CNTNAP2: variants seen among roughly 807,000 people sequenced by gnomAD.
CNTNAP2 encodes contactin associated protein 2.
A neutral mutation model predicts 155.2 loss-of-function variants in CNTNAP2; 98 were observed. That is an observed-to-expected ratio of 0.63 (90% CI 0.54 to 0.75). The LOEUF (loss-of-function observed/expected upper bound fraction) is 0.75. CNTNAP2 is among the 30% of genes least tolerant of loss of function. CNTNAP2 has a pLI of 0.00. For synonymous variants in CNTNAP2, 651 were observed against 631.2 expected (o/e 1.03, Z -0.47); for missense variants, 1,727 against 1,688.1 (o/e 1.02, Z -0.40).
intron 13 of CNTNAP2, among the ~76,000 whole-genome samples, chr7:147,808,065 T>G (rs1798122207): frequency 6.6e-6 from 1 of 152,114 alleles, no homozygotes; most frequent in Admixed American, 6.5e-5. Flanking sequence ...TCTGGGACCT[T>G]GGCACTGACT....
At chr7:147,146,244 TCTC>T (rs1801699007) in intron 8 of CNTNAP2, 1 of 153,442 alleles carries the variant, frequency 6.5e-6, no homozygotes, top group African/African-American at 2.4e-5. Flanking sequence ...CTTCCGTCTC[TCTC>T]CTCTGCTCAC....
At chr7:148,349,352 ACACAC>A (rs1798378153) in intron 21 of CNTNAP2, among the ~76,000 whole-genome samples, 2 of 151,816 alleles carry the variant, frequency 1.3e-5, no homozygotes, top group Non-Finnish European at 2.9e-5. Context: ...CACACGTAAA[ACACAC>A]TAACACTAAC....
intron 22 of CNTNAP2, among the ~76,000 whole-genome samples, chr7:148,386,036 G>T (rs1393258968): frequency 6.6e-6 from 1 of 152,082 alleles, no homozygotes; most frequent in Non-Finnish European, 1.5e-5. Context: ...TCTTTTGATT[G>T]ATTTATGAAA....
chr7:147,299,435 T>G (rs1208526267), intron 8 of CNTNAP2, among the ~76,000 whole-genome samples: 5 of 110,676 alleles, frequency 4.5e-5, no homozygotes, highest in Non-Finnish European at 5.4e-5. Context: ...ATTTTGCTGT[T>G]TTTTTTTTTT....
At chr7:146,842,321 G>A (rs973820646) in intron 3 of CNTNAP2, among the ~76,000 whole-genome samples, 2 of 152,064 alleles carry the variant, frequency 1.3e-5, no homozygotes, top group East Asian at 1.9e-4. Flanking sequence ...TGATAAAGGT[G>A]CATTTCTATT....
chr7:147,116,101 G>A (rs552158578), intron 5 of CNTNAP2, among the ~76,000 whole-genome samples: 7 of 152,186 alleles, frequency 4.6e-5, no homozygotes, highest in African/African-American at 1.4e-4. Flanking sequence ...GAGTCCACTC[G>A]AGACACTAGT....
At chr7:147,068,714 G>A (rs775940861) in intron 4 of CNTNAP2, among the ~76,000 whole-genome samples, 1 of 152,196 alleles carries the variant, frequency 6.6e-6, no homozygotes, top group Non-Finnish European at 1.5e-5. Flanking sequence ...TAGTCTAGCT[G>A]GTCCTGGGCT....
At chr7:146,330,076 G>A (rs1489397311) in intron 1 of CNTNAP2, among the ~76,000 whole-genome samples, 2 of 129,144 alleles carry the variant, frequency 1.5e-5, no homozygotes, top group Non-Finnish European at 3.1e-5. Context: ...AGGCTGGAGT[G>A]CAATGGCACA....
At chr7:148,121,163 T>A (rs1447483817) in intron 16 of CNTNAP2, among the ~76,000 whole-genome samples, 4 of 152,082 alleles carry the variant, frequency 2.6e-5, no homozygotes, top group Non-Finnish European at 5.9e-5. Context: ...GCCTCCCGAG[T>A]AGCTGGGATT....
chr7:146,931,489 G>T (rs924503671), intron 3 of CNTNAP2, among the ~76,000 whole-genome samples: 5 of 149,668 alleles, frequency 3.3e-5, no homozygotes, highest in South Asian at 4.2e-4. Flanking sequence ...AAGCAGAAAA[G>T]ATCCAAAACT....
chr7:147,807,291 C>G (rs553237788), intron 13 of CNTNAP2, among the ~76,000 whole-genome samples: 1 of 130,710 alleles, frequency 7.7e-6, no homozygotes, highest in South Asian at 2.6e-4. Context: ...TCACTGTACT[C>G]GAGCCTGGAT....
chr7:146,444,570 A>G (rs1287907142), intron 1 of CNTNAP2, among the ~76,000 whole-genome samples: 1 of 152,060 alleles, frequency 6.6e-6, no homozygotes, highest in Non-Finnish European at 1.5e-5. Context: ...AGCCAGAAGT[A>G]TCATGAACTG....
At chr7:146,229,550 G>T (rs960080874) in intron 1 of CNTNAP2, among the ~76,000 whole-genome samples, 6 of 152,154 alleles carry the variant, frequency 3.9e-5, no homozygotes, top group African/African-American at 1.4e-4. Flanking sequence ...CCAGTAAAAT[G>T]TATCCATGAG....
intron 2 of CNTNAP2, among the ~76,000 whole-genome samples, chr7:146,826,834 A>ATG (rs1195934729): frequency 9.3e-4 from 131 of 140,140 alleles, no homozygotes; most frequent in African/African-American, 4.0e-3. Context: ...GAATGAATAT[A>ATG]TGTATATATA....
At chr7:148,292,530 A>G (rs1797206062) in intron 21 of CNTNAP2, among the ~76,000 whole-genome samples, 2 of 152,230 alleles carry the variant, frequency 1.3e-5, no homozygotes, top group African/African-American at 4.8e-5. Flanking sequence ...CCACCAGCAG[A>G]GCTTAGGGGA....
At chr7:148,013,674 C>A (rs971452435) in intron 15 of CNTNAP2, among the ~76,000 whole-genome samples, 4 of 152,158 alleles carry the variant, frequency 2.6e-5, no homozygotes, top group Non-Finnish European at 5.9e-5. Flanking sequence ...CCCCTGATCA[C>A]CTTAGCCTAA....
intron 3 of CNTNAP2, among the ~76,000 whole-genome samples, chr7:146,854,965 T>C (rs1224093703): frequency 6.6e-6 from 1 of 152,154 alleles, no homozygotes; most frequent in African/African-American, 2.4e-5. Flanking sequence ...GTATAATTGA[T>C]GCTAACAGAG....
At chr7:146,650,419 C>T (rs773533990) in intron 1 of CNTNAP2, among the ~76,000 whole-genome samples, 1 of 152,036 alleles carries the variant, frequency 6.6e-6, no homozygotes, top group Admixed American at 6.6e-5. Context: ...TGGAAAGCAT[C>T]ATTCTCAGCA....
intron 14 of CNTNAP2, among the ~76,000 whole-genome samples, chr7:147,904,674 C>T (rs1047922360): frequency 2.8e-4 from 43 of 152,158 alleles, no homozygotes; most frequent in Admixed American, 2.2e-3. Context: ...ATTCTGAGAA[C>T]GTAACTTTAT....
Sources: gnomAD v4.1 joint callset for allele counts (sites outside exome capture counted in the v4.1 genomes callset) on GRCh38, gnomAD v4.1.1 for gene constraint, MANE v1.5 for transcripts, NCBI Gene and HGNC (gene_info 2026-07-23, HGNC 2026-07-21) for gene names.